SNX4: variants seen among roughly 807,000 people sequenced by gnomAD.
SNX4 encodes the protein sorting nexin 4.
Under a neutral mutation model 70.8 loss-of-function variants are expected in SNX4, and 49 were observed. The ratio of observed to expected loss-of-function variants is 0.69; its 90% CI spans 0.55 to 0.88. The LOEUF (loss-of-function observed/expected upper bound fraction) is 0.88, where lower values mean the gene tolerates loss of function less well. Ranked by LOEUF, SNX4 falls within the 40% of genes least tolerant of loss-of-function variation. The pLI, the probability that SNX4 is intolerant of heterozygous loss-of-function variation, is 0.00. For synonymous variants in SNX4, 206 were observed against 183.8 expected (o/e 1.12, Z -0.98); for missense variants, 528 against 544.8 (o/e 0.97, Z 0.31).
chr3:125,469,929 AT>A (rs1934123897), intron 8 of SNX4, among the ~76,000 whole-genome samples: 1 of 152,212 alleles, frequency 6.6e-6, no homozygotes, highest in African/African-American at 2.4e-5. Context: ...TCTGATGAAC[AT>A]ACCTGATTAC....
chr3:125,500,870 A>AT (rs908395470), intron 2 of SNX4, among the ~76,000 whole-genome samples: 1 of 140,756 alleles, frequency 7.1e-6, no homozygotes, highest in Non-Finnish European at 1.5e-5. Flanking sequence ...TTTTTAAAGT[A>AT]TTTTTTAGGT....
intron 8 of SNX4, among the ~76,000 whole-genome samples, chr3:125,470,169 A>G (rs1934128971): frequency 6.6e-6 from 1 of 152,222 alleles, no homozygotes; most frequent in Admixed American, 6.5e-5. Context: ...ATGCCAAGAG[A>G]TAACATAATT....
intron 7 of SNX4, among the ~76,000 whole-genome samples, chr3:125,478,114 C>G (rs556225801): frequency 6.6e-6 from 1 of 151,792 alleles, no homozygotes; most frequent in African/African-American, 2.4e-5. Flanking sequence ...GAGTCTCACT[C>G]TGTCTCCCAG....
At chr3:125,508,295 C>T (rs774044780) in intron 1 of SNX4, among the ~76,000 whole-genome samples, 3 of 152,128 alleles carry the variant, frequency 2.0e-5, no homozygotes, top group Admixed American at 6.5e-5. Flanking sequence ...AGGCCAGGTG[C>T]GGTGGCTCAC....
intron 1 of SNX4, among the ~76,000 whole-genome samples, chr3:125,517,482 G>A (rs1935307425): frequency 6.6e-6 from 1 of 152,216 alleles, no homozygotes; most frequent in South Asian, 2.1e-4. Context: ...GACTGAGTGA[G>A]AGAGAGTATG....
intron 2 of SNX4, among the ~76,000 whole-genome samples, chr3:125,500,527 C>G (rs943357860): frequency 6.6e-6 from 1 of 151,768 alleles, no homozygotes; most frequent in South Asian, 2.1e-4. Flanking sequence ...ACTGGCCAGG[C>G]GCAGTGGCTC....
intron 9 of SNX4, among the ~76,000 whole-genome samples, chr3:125,464,449 GT>G (rs1038601577): frequency 5.7e-4 from 82 of 143,048 alleles, no homozygotes; most frequent in African/African-American, 1.0e-3. Flanking sequence ...AAGGCTCAAG[GT>G]TTTTTTTTTT....
intron 1 of SNX4, among the ~76,000 whole-genome samples, chr3:125,506,606 A>G (rs1225055921): frequency 6.6e-6 from 1 of 150,642 alleles, no homozygotes; most frequent in Non-Finnish European, 1.5e-5. Flanking sequence ...CTTGGGTTCA[A>G]GGGATTCTCC....
At chr3:125,460,373 TAAG>T (rs1412006572) in intron 10 of SNX4, among the ~76,000 whole-genome samples, 6 of 152,104 alleles carry the variant, frequency 3.9e-5, no homozygotes, top group Non-Finnish European at 1.5e-5. Flanking sequence ...TAAGAACAGA[TAAG>T]AAAGTCCTTG....
At chr3:125,518,203 A>T (rs972480140) in intron 1 of SNX4, among the ~76,000 whole-genome samples, 1 of 152,180 alleles carries the variant, frequency 6.6e-6, no homozygotes, top group African/African-American at 2.4e-5. Flanking sequence ...GTGTACCTGT[A>T]ACCCCAGCTA....
chr3:125,498,139 A>G lies in SNX4; in HGVS notation c.319T>C (p.Tyr107His). The G allele has an allele frequency of 6.2e-7, 1 of 1,613,746 alleles. No individual in the cohort carries two copies. The highest frequency in any genetic ancestry group is 2.2e-5 in the East Asian group (1 of 44,878). The stretch of plus-strand genomic sequence containing the variant: ...CTTCTCAACAACTCAAATTCACTAT[A>G]TCGCCGCCATAGTGAGTCTGTTAGG... Reference protein sequence around the residue: ...SVLTDSLWRRYSEFELLRSYL... With the variant: ...SVLTDSLWRRHSEFELLRSYL... The change falls in exon 3 of 14, where the codon TAT becomes CAT. Residue 107 changes from tyrosine (Y) to histidine (H), a missense_variant. Transcript: ENST00000251775.
intron 2 of SNX4, among the ~76,000 whole-genome samples, chr3:125,501,054 T>C (rs1026263332): frequency 1.3e-5 from 2 of 152,076 alleles, no homozygotes; most frequent in African/African-American, 4.8e-5. Context: ...ATTCATATTG[T>C]CCACAACTGT....
At chr3:125,451,947 C>T (rs1182138939) in intron 12 of SNX4, among the ~76,000 whole-genome samples, 1 of 152,118 alleles carries the variant, frequency 6.6e-6, no homozygotes. Flanking sequence ...GTTTTTGCCA[C>T]AAGGATTCTA....
At chr3:125,507,191 GAAAA>G (rs753584700) in intron 1 of SNX4, among the ~76,000 whole-genome samples, 1 of 90,822 alleles carries the variant, frequency 1.1e-5, no homozygotes. Flanking sequence ...CTGGGTGATA[GAAAA>G]AAAAAAAAAA....
At chr3:125,454,926 A>T (rs1422828388) in intron 11 of SNX4, among the ~76,000 whole-genome samples, 3 of 152,124 alleles carry the variant, frequency 2.0e-5, no homozygotes, top group Non-Finnish European at 4.4e-5. Context: ...GACACTTCTA[A>T]CTGAATTTCT....
At position 125,451,437 on chromosome 3, in the gene SNX4, G is replaced by A; in HGVS notation, c.1191-18C>T. 1 of 1,529,976 alleles carries A rather than the reference G, an allele frequency of 6.5e-7. No individual in the cohort carries two copies. The highest frequency in any genetic ancestry group is 9.0e-7 in the Non-Finnish European group (1 of 1,106,800). 94.8% of individuals were successfully genotyped at this position (1,529,976 alleles called of 1,614,324 possible). On this transcript the variant is annotated intron_variant, in intron 12 of 13. Transcript: ENST00000251775. Reference sequence around the variant, plus strand: ...CAAATTCTCTGAAATAAAAGGTATAGCCATTATTATTATTTAAGTTAAATA... The same window carrying A: ...CAAATTCTCTGAAATAAAAGGTATAACCATTATTATTATTTAAGTTAAATA...
At chr3:125,516,001 A>C (rs1935271234) in intron 1 of SNX4, among the ~76,000 whole-genome samples, 1 of 152,216 alleles carries the variant, frequency 6.6e-6, no homozygotes, top group South Asian at 2.1e-4. Context: ...GAATGCCTCA[A>C]ACCTTACCGA....
chr3:125,466,627 T>C (rs1363751490), intron 9 of SNX4, among the ~76,000 whole-genome samples: 1 of 151,990 alleles, frequency 6.6e-6, no homozygotes, highest in African/African-American at 2.4e-5. Context: ...ACAGCTCAAT[T>C]TAAAAATGGG....
intron 1 of SNX4, among the ~76,000 whole-genome samples, chr3:125,510,944 G>A (rs1274543108): frequency 6.6e-6 from 1 of 152,172 alleles, no homozygotes; most frequent in East Asian, 1.9e-4. Flanking sequence ...TTTTGAGACA[G>A]TTTCGCTCTT....
Sources: allele counts gnomAD v4.1 joint callset (sites outside exome capture counted in the v4.1 genomes callset), GRCh38; gene constraint gnomAD v4.1.1; transcripts MANE v1.5; gene names NCBI Gene and HGNC (gene_info 2026-07-23, HGNC 2026-07-21).